The following PDE9A variants were observed in gnomAD, a reference collection of about 807,000 sequenced individuals.
The protein encoded by PDE9A is high affinity cGMP-specific 3',5'-cyclic phosphodiesterase 9A.
A neutral mutation model predicts 87.4 loss-of-function variants in PDE9A; 60 were observed. The ratio of observed to expected loss-of-function variants is 0.69; its 90% CI spans 0.56 to 0.85. PDE9A has a LOEUF of 0.85. Among genes scored for constraint, PDE9A ranks in the 40% least tolerant of loss-of-function variants. The pLI is 0.00. For missense variants in PDE9A, 665 were observed against 779.0 expected, an observed-to-expected ratio of 0.85 and a Z score of 1.74; for synonymous variants, 272 against 279.4, an observed-to-expected ratio of 0.97 and a Z score of 0.27.
intron 14 of PDE9A, among the ~76,000 whole-genome samples, chr21:42,764,456 G>A (rs2056161020): frequency 6.6e-6 from 1 of 152,246 alleles, no homozygotes; most frequent in Non-Finnish European, 1.5e-5. Flanking sequence ...TGCTACCCCA[G>A]TGGGGAGCTC....
rs2055526581 is a variant in PDE9A at position 42,759,973 on chromosome 21, G to C, written c.898-355G>C. On this transcript the variant is annotated intron_variant, in intron 11 of 19. Coordinates refer to ENST00000291539, the MANE Select transcript of PDE9A (RefSeq NM_002606.3). This position sits in a 1 kb window ranked among gnomAD's most constrained non-coding sequence, Gnocchi z 7.2. ...TATTAAAGGTTTCATGGTGACTGGG[G>C]ACCCAGAGCTCCCTCTTGGAGTCTC... 6.6e-6 allele frequency among the ~76,000 whole-genome samples: 1 copy of C among 152,012 alleles called. No homozygotes were observed. Among genetic ancestry groups the C allele is most frequent in the Non-Finnish European group, 1.5e-5 (1 of 67,968 alleles).
chr21:42,700,229 G>A (rs891668624), intron 4 of PDE9A, among the ~76,000 whole-genome samples: 1 of 152,188 alleles, frequency 6.6e-6, no homozygotes, highest in Non-Finnish European at 1.5e-5. Flanking sequence ...GGTGTAGGTT[G>A]TACCACAGGG....
intron 1 of PDE9A, among the ~76,000 whole-genome samples, chr21:42,670,173 GCACA>G (rs879889308): frequency 7.2e-6 from 1 of 138,900 alleles, no homozygotes; most frequent in Non-Finnish European, 1.5e-5. Flanking sequence ...ACATTCACAC[GCACA>G]CATACACTTA....
chr21:42,699,349 G>T (rs895710166), intron 4 of PDE9A, among the ~76,000 whole-genome samples: 3 of 152,148 alleles, frequency 2.0e-5, no homozygotes, highest in African/African-American at 7.2e-5. Flanking sequence ...TCCATTGGCT[G>T]CACTGTCTGT....
chr21:42,772,750 C>T (rs1349808775), intron 19 of PDE9A, among the ~76,000 whole-genome samples: 1 of 151,838 alleles, frequency 6.6e-6, no homozygotes, highest in African/African-American at 2.4e-5. Context: ...TCTCCTGCCT[C>T]AGCCCCCTAA....
intron 3 of PDE9A, chr21:42,697,384 C>T (rs1239187258): frequency 7.2e-7 from 1 of 1,397,464 alleles, no homozygotes; most frequent in Non-Finnish European, 1.0e-6. Flanking sequence ...GTGTGTATAC[C>T]CCTCCATATT....
At chr21:42,711,867 C>CT (rs1376078532) in intron 4 of PDE9A, among the ~76,000 whole-genome samples, 4 of 152,142 alleles carry the variant, frequency 2.6e-5, no homozygotes, top group African/African-American at 9.7e-5. Context: ...TTAATGGTAT[C>CT]TCTGTGTTTG....
In PDE9A at chr21:42,688,023, G is replaced by A. The variant is rs1429017421; in HGVS notation, c.218+29G>A. ...AGAGGCTCCGGCCGCGCTCCTCGGG[G>A]TGTGCCTGGCACTTCTCTCCATGAC... is the stretch of plus-strand genomic sequence containing the variant. On this transcript the variant is annotated intron_variant, in intron 3 of 19. Coordinates refer to ENST00000291539, the MANE Select transcript of PDE9A (RefSeq NM_002606.3). The A allele has an allele frequency of 1.7e-5, 27 of 1,581,922 alleles. 1 individual carries two copies. The highest frequency in any genetic ancestry group is 1.6e-5 in the Non-Finnish European group (19 of 1,154,678).
In PDE9A at chr21:42,671,671, G is replaced by T. The variant is rs966598623; in HGVS notation, c.70-14521G>T. ...GATTGATATAGATTGATTGACAGAT[G>T]ATTCATAGATAACTTGCAATGTTTC... On this transcript the variant is annotated intron_variant, in intron 1 of 19. Transcript: ENST00000291539. Among the ~76,000 whole-genome samples, 3 of 152,180 alleles carry T rather than the reference G, an allele frequency of 2.0e-5. No individual in the cohort carries two copies. In the South Asian group the frequency reaches 6.2e-4, roughly 31 times the overall value.
intron 10 of PDE9A, chr21:42,757,605 G>A (rs927327815): frequency 3.3e-5 from 5 of 152,184 alleles, no homozygotes; most frequent in African/African-American, 4.8e-5. Context: ...TGCCAGGTTC[G>A]GCTTCTCCGG....
chr21:42,662,267 C>T (rs2057560925), intron 1 of PDE9A, among the ~76,000 whole-genome samples: 1 of 152,096 alleles, frequency 6.6e-6, no homozygotes, highest in Non-Finnish European at 1.5e-5. Context: ...CTCCCACTAT[C>T]GTCCCCAGCA....
At chr21:42,679,627 A>C (rs532405339) in intron 1 of PDE9A, among the ~76,000 whole-genome samples, 1 of 152,178 alleles carries the variant, frequency 6.6e-6, no homozygotes, top group Admixed American at 6.5e-5. Context: ...CAGAATGGGG[A>C]TCTTAAGGGA....
At chr21:42,731,567 T>TGGC (rs2051751872) in intron 4 of PDE9A, among the ~76,000 whole-genome samples, 1 of 152,078 alleles carries the variant, frequency 6.6e-6, no homozygotes, top group Admixed American at 6.5e-5. Context: ...CCCAGCCCAG[T>TGGC]TTTACAGGCC....
intron 1 of PDE9A, among the ~76,000 whole-genome samples, chr21:42,661,831 G>A (rs2057522826): frequency 6.6e-6 from 1 of 152,240 alleles, no homozygotes. Flanking sequence ...CATGTCTGTG[G>A]TGTAGCCTGT....
At chr21:42,670,227 A>G (rs1204854717) in intron 1 of PDE9A, among the ~76,000 whole-genome samples, 3 of 115,224 alleles carry the variant, frequency 2.6e-5, no homozygotes, top group Non-Finnish European at 5.0e-5. Context: ...ACACACATAC[A>G]CTTACATTCA....
chr21:42,768,305 C>G lies in PDE9A; in HGVS notation c.1461+13C>G, dbSNP rs1488901746. 6.8e-7 allele frequency: 1 copy of G among 1,475,864 alleles called. No homozygotes were observed. The highest frequency in any genetic ancestry group is 9.5e-7 in the Non-Finnish European group (1 of 1,054,506). The allele number at this position is 1,475,864 out of a possible 1,614,324, so 91.4% of individuals were successfully genotyped here. ...ATATTTTATGCAGGTAAGAGTCTTG[C>G]AGAGCAATCAAGCCTCCAGCCACTC... On this transcript the variant is annotated intron_variant, in intron 16 of 19. Coordinates refer to ENST00000291539, the MANE Select transcript of PDE9A (RefSeq NM_002606.3).
chr21:42,707,909 T>A (rs1410592180), intron 4 of PDE9A, among the ~76,000 whole-genome samples: 1 of 152,204 alleles, frequency 6.6e-6, no homozygotes, highest in Non-Finnish European at 1.5e-5. Flanking sequence ...TGAAAATGAC[T>A]TAGGGGGCAT....
At chr21:42,666,163 G>A (rs1012695861) in intron 1 of PDE9A, among the ~76,000 whole-genome samples, 3 of 151,984 alleles carry the variant, frequency 2.0e-5, no homozygotes, top group Non-Finnish European at 2.9e-5. Context: ...GTGGTCATTC[G>A]TGCAGTGGGC....
chr21:42,706,542 G>A (rs982534941), intron 4 of PDE9A, among the ~76,000 whole-genome samples: 3 of 152,066 alleles, frequency 2.0e-5, no homozygotes, highest in African/African-American at 7.2e-5. Flanking sequence ...CTACTTGGAA[G>A]GCTGAGGCAG....
Sources: gnomAD v4.1 joint callset for allele counts (sites outside exome capture counted in the v4.1 genomes callset) on GRCh38, gnomAD v4.1.1 for gene constraint, Gnocchi (gnomAD v3.1) non-coding constraint, MANE v1.5 for transcripts, NCBI Gene and HGNC (gene_info 2026-07-23, HGNC 2026-07-21) for gene names.